The following A1CF variants were observed in gnomAD, a reference collection of about 807,000 sequenced individuals.
A1CF encodes APOBEC-1 stimulating protein.
A neutral mutation model predicts 68.9 loss-of-function variants in A1CF; 48 were observed. The observed-to-expected ratio is 0.70, with a 90% CI of 0.55 to 0.89. The LOEUF is 0.89. Among genes scored for constraint, A1CF ranks in the 40% least tolerant of loss-of-function variants. The probability of loss-of-function intolerance (pLI) is 0.00; values close to 1 mark genes in which losing one functional copy is unlikely to be tolerated. For missense variants in A1CF, 653 were observed against 718.9 expected, an observed-to-expected ratio of 0.91 and a Z score of 1.05; for synonymous variants, 272 against 260.4, an observed-to-expected ratio of 1.04 and a Z score of -0.43.
chr10:50,819,208 C>T (rs985133044), intron 8 of A1CF, among the ~76,000 whole-genome samples: 25 of 152,148 alleles, frequency 1.6e-4, no homozygotes, highest in African/African-American at 6.0e-4. Flanking sequence ...TCACTGCAGC[C>T]TCAGCCTCCT....
rs756703962 is a variant in A1CF at position 50,820,578 on chromosome 10, C to T, written c.841G>A (p.Glu281Lys). ...VHFSNREDAVEAMKALNGKVL... is the reference protein window; with the variant it reads ...VHFSNREDAVKAMKALNGKVL... ...TTGCCATTTAAAGCTTTCATAGCCTCAACTGCATCTTCTCGGTTACTGAAG... is the reference window on the plus strand; with the variant it reads ...TTGCCATTTAAAGCTTTCATAGCCTTAACTGCATCTTCTCGGTTACTGAAG... Residue 281 changes from glutamate to lysine, a missense_variant, in exon 8 of 13, where the codon GAG becomes AAG. Physicochemically the swap from Glu to Lys is moderately conservative, Grantham distance 56. Coordinates refer to ENST00000373997, the MANE Select transcript of A1CF (RefSeq NM_014576.4). The T allele has an allele frequency of 6.2e-7, 1 of 1,613,450 alleles. No homozygotes were observed. The highest frequency in any genetic ancestry group is 2.2e-5 in the East Asian group (1 of 44,824).
In A1CF at chr10:50,806,064, C is replaced by T. The variant is rs1481892892; in HGVS notation, c.*665G>A. 2 of 152,190 alleles carry T rather than the reference C, an allele frequency of 1.3e-5. No homozygotes were observed. Among genetic ancestry groups the T allele is most frequent in the Admixed American group, 6.5e-5 (1 of 15,272 alleles). 9.4% of individuals were successfully genotyped at this position (152,190 alleles called of 1,614,324 possible). A position where few individuals can be genotyped will look rare whatever the true frequency, so the allele number is the denominator to read the frequency against. On this transcript the variant is annotated 3_prime_UTR_variant, in exon 13 of 13. Transcript: ENST00000373997. ...ATGGGGCCTGGATTTGTTTTAACCACATCTACAACATATCATATCTATTTC... is the reference window on the plus strand; with the variant it reads ...ATGGGGCCTGGATTTGTTTTAACCATATCTACAACATATCATATCTATTTC...
At chr10:50,868,388 AT>A (rs1255688470) in intron 1 of A1CF, among the ~76,000 whole-genome samples, 1 of 152,210 alleles carries the variant, frequency 6.6e-6, no homozygotes, top group Non-Finnish European at 1.5e-5. Context: ...TCTTAAGTCT[AT>A]TTTGGAAATT....
intron 5 of A1CF, among the ~76,000 whole-genome samples, chr10:50,837,844 A>G (rs777960746): frequency 2.6e-5 from 4 of 152,226 alleles, no homozygotes; most frequent in Non-Finnish European, 5.9e-5. Flanking sequence ...ATTGGTTTAA[A>G]AAAACAGTTC....
chr10:50,809,890 A>T lies in A1CF; in HGVS notation c.1609+4T>A, dbSNP rs753587619. On this transcript the variant is annotated splice_donor_region_variant and intron_variant, in intron 12 of 12. Coordinates refer to ENST00000373997, the MANE Select transcript of A1CF (RefSeq NM_014576.4). ...GCGCCATTTCTGGCACAATTTTCCC[A>T]TACCTGGGAAAGCAGTAGCAGCAGC... 3.1e-6 allele frequency: 5 copies of T among 1,613,802 alleles called. No homozygotes were observed. In the South Asian group the frequency reaches 5.5e-5, roughly 18 times the overall value.
At chr10:50,864,906 C>T (rs941736353) in intron 1 of A1CF, among the ~76,000 whole-genome samples, 1 of 152,138 alleles carries the variant, frequency 6.6e-6, no homozygotes, top group African/African-American at 2.4e-5. Flanking sequence ...GAGTGAGCCA[C>T]CGTGCCTGGC....
intron 1 of A1CF, among the ~76,000 whole-genome samples, chr10:50,878,480 T>C (rs1284592092): frequency 3.9e-5 from 6 of 152,202 alleles, no homozygotes; most frequent in East Asian, 1.9e-4. Flanking sequence ...TAGAGTTAAA[T>C]TGTAGCAAGT....
intron 3 of A1CF, among the ~76,000 whole-genome samples, chr10:50,857,833 A>C (rs1840558999): frequency 6.6e-6 from 1 of 152,164 alleles, no homozygotes; most frequent in Non-Finnish European, 1.5e-5. Flanking sequence ...GAGTTTGGCC[A>C]CGTGTAGAAA....
intron 1 of A1CF, among the ~76,000 whole-genome samples, chr10:50,883,368 G>C (rs1841867796): frequency 6.6e-6 from 1 of 152,124 alleles, no homozygotes; most frequent in Non-Finnish European, 1.5e-5. Context: ...GAGATTCAGT[G>C]GAGTCAAACA....
chr10:50,860,979 A>G (rs1187066722), intron 2 of A1CF, among the ~76,000 whole-genome samples: 1 of 152,170 alleles, frequency 6.6e-6, no homozygotes, highest in Non-Finnish European at 1.5e-5. Flanking sequence ...GGACAGAGGA[A>G]TATGTTTTAC....
rs1434270498 is a variant in A1CF, at chr10:50,799,830, C to A, written c.*6899G>T. On this transcript the variant is annotated 3_prime_UTR_variant, in exon 13 of 13. Transcript: ENST00000373997. The stretch of plus-strand genomic sequence containing the variant: ...CTTTTCATTAAGATATAGGGAATAA[C>A]AATATCGGGCTGTATTGCAGTCAGA... The A allele has an allele frequency of 6.6e-6, 1 of 151,938 alleles. No homozygotes were observed. The highest frequency in any genetic ancestry group is 1.5e-5 in the Non-Finnish European group (1 of 67,942). The allele number at this position is 151,938 out of a possible 1,614,324, so 9.4% of individuals were successfully genotyped here.
chr10:50,870,379 G>A (rs116323772), intron 1 of A1CF, among the ~76,000 whole-genome samples: 399 of 152,004 alleles, frequency 2.6e-3, no homozygotes, highest in African/African-American at 9.1e-3. Flanking sequence ...GTATGTAACA[G>A]CTGAGTGTAG....
chr10:50,882,019 C>A (rs1841796524), intron 1 of A1CF, among the ~76,000 whole-genome samples: 1 of 152,156 alleles, frequency 6.6e-6, no homozygotes, highest in Non-Finnish European at 1.5e-5. Context: ...AAGATACCAG[C>A]ATATCTTATA....
At chr10:50,880,393 T>G (rs753004186) in intron 1 of A1CF, among the ~76,000 whole-genome samples, 4 of 152,212 alleles carry the variant, frequency 2.6e-5, no homozygotes, top group African/African-American at 9.6e-5. Flanking sequence ...CCTATGTGCC[T>G]GGCATGTGGC....
chr10:50,850,660 C>A, intron 3 of A1CF: 1 of 1,613,932 alleles, frequency 6.2e-7, no homozygotes, highest in Non-Finnish European at 8.5e-7. Flanking sequence ...AGACCCTCTG[C>A]TTACCTTTTC....
intron 9 of A1CF, among the ~76,000 whole-genome samples, chr10:50,814,967 G>C (rs1383125102): frequency 6.6e-6 from 1 of 152,164 alleles, no homozygotes; most frequent in African/African-American, 2.4e-5. Context: ...AAGTAATTAT[G>C]AGTATGAAAC....
intron 6 of A1CF, among the ~76,000 whole-genome samples, chr10:50,829,540 G>C (rs1210175259): frequency 6.6e-6 from 1 of 152,090 alleles, no homozygotes; most frequent in African/African-American, 2.4e-5. Flanking sequence ...CCGTGGCCCT[G>C]GCATTCTAAA....
chr10:50,880,321 T>C (rs759683790), intron 1 of A1CF, among the ~76,000 whole-genome samples: 1 of 152,182 alleles, frequency 6.6e-6, no homozygotes, highest in Admixed American at 6.5e-5. Context: ...AGCTGCTTTA[T>C]TGGAAAAATG....
chr10:50,885,344 A>C (rs1292768346), intron 1 of A1CF, among the ~76,000 whole-genome samples: 2 of 152,318 alleles, frequency 1.3e-5, no homozygotes, highest in East Asian at 3.8e-4. Flanking sequence ...CTCCGTGGTA[A>C]GTCTACAGAA....
Sources: allele counts gnomAD v4.1 joint callset (sites outside exome capture counted in the v4.1 genomes callset), GRCh38; gene constraint gnomAD v4.1.1; transcripts MANE v1.5; gene names NCBI Gene and HGNC (gene_info 2026-07-23, HGNC 2026-07-21).